The following RAP1GAP2 variants were observed in gnomAD, a reference collection of about 807,000 sequenced individuals.
The protein encoded by RAP1GAP2 is rap1 GTPase-activating protein 2.
Under a neutral mutation model 95.0 loss-of-function variants are expected in RAP1GAP2, and 27 were observed. The observed-to-expected ratio is 0.28, with a 90% confidence interval of 0.21 to 0.39. RAP1GAP2 has a LOEUF of 0.39. RAP1GAP2 is among the 10% of genes least tolerant of loss of function. RAP1GAP2 has a pLI of 1.00. For synonymous variants in RAP1GAP2, 373 were observed against 380.9 expected, an observed-to-expected ratio of 0.98 and a Z score of 0.24; for missense variants, 771 against 970.0, an observed-to-expected ratio of 0.79 and a Z score of 2.72.
At chr17:2,943,871 C>T (rs1339124514) in intron 3 of RAP1GAP2, among the ~76,000 whole-genome samples, 1 of 150,340 alleles carries the variant, frequency 6.7e-6, no homozygotes, top group Non-Finnish European at 1.5e-5. Context: ...CAGAAGAGGC[C>T]AGGCATGGTG....
rs897634856 is a variant in RAP1GAP2, at chr17:2,962,520, C to T, written c.202-150C>T. 3.9e-6 allele frequency: 3 copies of T among 768,056 alleles called. No individual in the cohort carries two copies. In the African/African-American group the frequency reaches 5.5e-5, roughly 14 times the overall value. 47.6% of individuals were successfully genotyped at this position (768,056 alleles called of 1,614,324 possible). A position where few individuals can be genotyped will look rare whatever the true frequency, so the allele number is the denominator to read the frequency against. ...ACCTGAGGCTGCTGTGAGGCCCGCCCCTGGCCAGGTGTGATGTGTGCAGGC... is the reference window on the plus strand; with the variant it reads ...ACCTGAGGCTGCTGTGAGGCCCGCCTCTGGCCAGGTGTGATGTGTGCAGGC... On this transcript the variant is annotated intron_variant, in intron 4 of 24. Transcript: ENST00000254695.
Position 3,013,632 on chromosome 17 carries a change from C to CTTT in RAP1GAP2, c.1495-4410_1495-4408dup, listed in dbSNP as rs998163717. On this transcript the variant is annotated intron_variant, in intron 17 of 24. Coordinates refer to ENST00000254695, the MANE Select transcript of RAP1GAP2 (RefSeq NM_015085.5). ...CTGAGTTTTTCTTTTCTTTTCTTTT[C>CTTT]TTTTTTTTTTTTTTTTTTTTTGGTG... is the stretch of plus-strand genomic sequence containing the variant. Among the ~76,000 whole-genome samples, 93 of 78,848 alleles carry CTTT rather than the reference C, an allele frequency of 1.2e-3. 1 individual carries two copies. The highest frequency in any genetic ancestry group is 1.6e-3 in the South Asian group (3 of 1,866). The allele number at this position is 78,848 out of a possible 152,430, so 51.7% of individuals were successfully genotyped here.
chr17:2,894,288 G>T (rs1220534842), intron 2 of RAP1GAP2, among the ~76,000 whole-genome samples: 1 of 152,180 alleles, frequency 6.6e-6, no homozygotes, highest in African/African-American at 2.4e-5. Context: ...AACTTAGCCA[G>T]GCATGGTGGT....
At position 2,984,970 on chromosome 17, in the gene RAP1GAP2, C is replaced by T. The variant is rs772897594; in HGVS notation, c.730-13C>T. The T allele has an allele frequency of 8.2e-6, 13 of 1,594,834 alleles. No individual in the cohort carries two copies. Among genetic ancestry groups the T allele is most frequent in the South Asian group, 8.1e-5 (7 of 86,946 alleles). ...ACAAATGTTGATTTTTTTTTTCTTG[C>T]CACATTTTCCAGGCCTCCCAAATGA... On this transcript the variant is annotated splice_polypyrimidine_tract_variant and intron_variant, in intron 10 of 24. Transcript: ENST00000254695.
intron 22 of RAP1GAP2, among the ~76,000 whole-genome samples, chr17:3,028,392 GA>G (rs1361230527): frequency 3.3e-5 from 5 of 152,066 alleles, no homozygotes; most frequent in Non-Finnish European, 7.4e-5. Flanking sequence ...AGAGGTCACG[GA>G]AGCTGATAAG....
At chr17:2,968,024 A>G (rs969069155) in intron 8 of RAP1GAP2, among the ~76,000 whole-genome samples, 5 of 152,196 alleles carry the variant, frequency 3.3e-5, no homozygotes, top group Admixed American at 1.3e-4. Context: ...GGTTTGTAAA[A>G]GAAGAGATTC....
intron 8 of RAP1GAP2, among the ~76,000 whole-genome samples, chr17:2,979,568 G>T (rs959678632): frequency 6.7e-6 from 1 of 148,666 alleles, no homozygotes; most frequent in Non-Finnish European, 1.5e-5. Flanking sequence ...CTGGGTTCAA[G>T]CGATTCTCCT....
chr17:2,864,849 A>C (rs571282054), intron 2 of RAP1GAP2, among the ~76,000 whole-genome samples: 128 of 152,294 alleles, frequency 8.4e-4, no homozygotes, highest in African/African-American at 2.6e-3. Flanking sequence ...ACAAAATGAC[A>C]GAAGTTATGG....
chr17:2,931,759 C>T (rs541553641), intron 3 of RAP1GAP2, among the ~76,000 whole-genome samples: 78 of 152,212 alleles, frequency 5.1e-4, no homozygotes, highest in Non-Finnish European at 9.8e-4. Context: ...CAGATGTCCC[C>T]TCTTCTTGCA....
rs1045753892 is a variant in RAP1GAP2, at chr17:2,779,585, G to T, written c.-14+2307G>T. On this transcript the variant is annotated intron_variant, in intron 1 of 24. Transcript: ENST00000540393. ...GCGATGTCCTGCTCCTGGGCTGGCC[G>T]CTCAGATATACCTCTTCCTGGGCTC... Among the ~76,000 whole-genome samples the T allele has an allele frequency of 2.3e-4, 35 of 152,114 alleles. 1 individual carries two copies. Among genetic ancestry groups the T allele is most frequent in the Non-Finnish European group, 2.9e-5 (2 of 68,010 alleles).
chr17:2,816,377 G>T (rs985402364), intron 2 of RAP1GAP2, among the ~76,000 whole-genome samples: 1 of 151,648 alleles, frequency 6.6e-6, no homozygotes, highest in African/African-American at 2.4e-5. Context: ...TCACTCTGTC[G>T]CCCAGGCTGA....
intron 23 of RAP1GAP2, 75 bp downstream of exon 23, chr17:3,031,073 G>A: frequency 5.6e-6 from 8 of 1,440,280 alleles, no homozygotes; most frequent in Non-Finnish European, 7.6e-6. Flanking sequence ...GCCAGAGGAA[G>A]AGGGTTCAGA....
At chr17:2,882,512 C>T (rs1038201783) in intron 2 of RAP1GAP2, among the ~76,000 whole-genome samples, 3 of 147,632 alleles carry the variant, frequency 2.0e-5, no homozygotes, top group African/African-American at 5.0e-5. Flanking sequence ...GGCTGGTCTC[C>T]ATCTCTTGAC....
At chr17:2,905,753 G>A (rs1170777401) in intron 3 of RAP1GAP2, among the ~76,000 whole-genome samples, 1 of 152,172 alleles carries the variant, frequency 6.6e-6, no homozygotes, top group African/African-American at 2.4e-5. Context: ...CTGGTCTGCC[G>A]GCCTCTGGCT....
upstream of RAP1GAP2, among the ~76,000 whole-genome samples, chr17:2,794,296 A>G (rs183934416): frequency 1.4e-4 from 22 of 152,196 alleles, no homozygotes; most frequent in Non-Finnish European, 3.1e-4. Flanking sequence ...TTGGCTGGCC[A>G]GGCCTGGTCA....
intron 3 of RAP1GAP2, among the ~76,000 whole-genome samples, chr17:2,927,618 G>A (rs551179754): frequency 4.6e-4 from 70 of 152,278 alleles, no homozygotes; most frequent in African/African-American, 1.5e-3. Flanking sequence ...CCCCCTTGCC[G>A]TGTAACCTCA....
At chr17:2,810,145 G>A (rs889518416) in intron 2 of RAP1GAP2, among the ~76,000 whole-genome samples, 6 of 151,894 alleles carry the variant, frequency 4.0e-5, no homozygotes, top group African/African-American at 1.5e-4. Context: ...GAGGGCTGAG[G>A]CCCTGGTGAA....
At chr17:2,908,892 G>A (rs1250519186) in intron 3 of RAP1GAP2, among the ~76,000 whole-genome samples, 1 of 152,030 alleles carries the variant, frequency 6.6e-6, no homozygotes, top group Non-Finnish European at 1.5e-5. Flanking sequence ...TTTCTGTAGA[G>A]ACAAGGTCTT....
At chr17:3,024,535 G>C (rs1023132403) in intron 19 of RAP1GAP2, among the ~76,000 whole-genome samples, 1 of 152,098 alleles carries the variant, frequency 6.6e-6, no homozygotes, top group Non-Finnish European at 1.5e-5. Context: ...AAGCAATTCC[G>C]CTCCTAGGTG....
Sources: allele counts gnomAD v4.1 joint callset (sites outside exome capture counted in the v4.1 genomes callset), GRCh38; gene constraint gnomAD v4.1.1; transcripts MANE v1.5; gene names NCBI Gene and HGNC (gene_info 2026-07-23, HGNC 2026-07-21).